CLEC16A: variants seen among roughly 807,000 people sequenced by gnomAD.
The protein encoded by CLEC16A is protein CLEC16A.
Under a neutral mutation model 109.5 loss-of-function variants are expected in CLEC16A, and 51 were observed. That is an observed-to-expected ratio of 0.47 (90% CI 0.37 to 0.59). The LOEUF is 0.59. Ranked by LOEUF, CLEC16A falls within the 20% of genes least tolerant of loss-of-function variation. The probability of loss-of-function intolerance (pLI) is 0.00; values close to 1 mark genes in which losing one functional copy is unlikely to be tolerated. For synonymous variants in CLEC16A, 673 were observed against 564.2 expected (o/e 1.19, Z -2.73); for missense variants, 1,339 against 1,394.0 (o/e 0.96, Z 0.63).
intron 12 of CLEC16A, among the ~76,000 whole-genome samples, chr16:11,022,080 G>A (rs527305551): frequency 6.6e-6 from 1 of 152,248 alleles, no homozygotes; most frequent in African/African-American, 2.4e-5. Flanking sequence ...TTAACTTTGG[G>A]CATCTTGAAG....
In CLEC16A at chr16:11,027,134, AAAG is replaced by A. The variant is rs1336775729; in HGVS notation, c.1537+2217_1537+2219del. On this transcript the variant is annotated intron_variant, in intron 13 of 23. Coordinates refer to ENST00000409790, the MANE Select transcript of CLEC16A (RefSeq NM_015226.3). ...CCCAGGCAAAGCAGGAACTTTTGGC[AAAG>A]AAGGAGCAGAAGAAAGGAAAAGGGC... is the stretch of plus-strand genomic sequence containing the variant. The A allele has an allele frequency of 3.4e-6, 5 of 1,476,140 alleles. No homozygotes were observed. In the African/African-American group the frequency reaches 6.9e-5, roughly 20 times the overall value. The allele number at this position is 1,476,140 out of a possible 1,614,324, so 91.4% of individuals were successfully genotyped here.
At chr16:11,176,821 G>A (rs2068767351) in intron 23 of CLEC16A, among the ~76,000 whole-genome samples, 1 of 152,206 alleles carries the variant, frequency 6.6e-6, no homozygotes, top group South Asian at 2.1e-4. Flanking sequence ...GCCGGTGTGT[G>A]CTTTGAAATC....
At chr16:11,129,068 A>G (rs1026561824) in intron 22 of CLEC16A, among the ~76,000 whole-genome samples, 9 of 151,630 alleles carry the variant, frequency 5.9e-5, no homozygotes, top group Non-Finnish European at 8.8e-5. Context: ...AGTTCCCCCA[A>G]CCCCAAGCTC....
chr16:11,120,968 C>A (rs114776857), intron 20 of CLEC16A, among the ~76,000 whole-genome samples: 1 of 152,134 alleles, frequency 6.6e-6, no homozygotes, highest in African/African-American at 2.4e-5. Context: ...TCCTCTTTGA[C>A]CAAAACGCTC....
chr16:11,157,218 T>A, intron 22 of CLEC16A: 1 of 1,231,956 alleles, frequency 8.1e-7, no homozygotes, highest in South Asian at 1.5e-5. Context: ...AAAAAGTATT[T>A]AAGCGTTGTG....
chr16:11,127,039 C>A (rs1475355728), intron 22 of CLEC16A, among the ~76,000 whole-genome samples: 2 of 152,120 alleles, frequency 1.3e-5, no homozygotes, highest in African/African-American at 4.8e-5. Flanking sequence ...TATGTATATA[C>A]CGTAGGCATA....
intron 11 of CLEC16A, among the ~76,000 whole-genome samples, chr16:11,004,051 GT>G: frequency 6.6e-6 from 1 of 152,118 alleles, no homozygotes; most frequent in East Asian, 1.9e-4. Context: ...TTACGTTAAG[GT>G]TTTTTAAGTC....
chr16:11,131,923 T>C (rs1462085106), intron 22 of CLEC16A, among the ~76,000 whole-genome samples: 1 of 152,188 alleles, frequency 6.6e-6, no homozygotes, highest in Admixed American at 6.5e-5. Flanking sequence ...TTTCAGGGCC[T>C]CTGTTTTCGT....
intron 19 of CLEC16A, among the ~76,000 whole-genome samples, chr16:11,102,312 A>G (rs2050967726): frequency 6.6e-6 from 1 of 152,320 alleles, no homozygotes; most frequent in African/African-American, 2.4e-5. Context: ...TTTATTAGTA[A>G]TCAGTTTGAA....
intron 1 of CLEC16A, among the ~76,000 whole-genome samples, chr16:10,956,286 A>G (rs1596731740): frequency 6.6e-6 from 1 of 152,248 alleles, no homozygotes; most frequent in East Asian, 1.9e-4. Context: ...CAGTATTCGT[A>G]AATAAACCCT....
At chr16:11,057,302 G>A (rs780907192) in intron 18 of CLEC16A, among the ~76,000 whole-genome samples, 2 of 152,256 alleles carry the variant, frequency 1.3e-5, no homozygotes, top group Non-Finnish European at 2.9e-5. Flanking sequence ...CAGCAAGGAA[G>A]CAGGAGGGTG....
chr16:10,972,185 G>C (rs1464910732), intron 5 of CLEC16A, among the ~76,000 whole-genome samples: 2 of 152,208 alleles, frequency 1.3e-5, no homozygotes, highest in African/African-American at 2.4e-5. Flanking sequence ...ATCTGGATTT[G>C]CACCTTGAAG....
intron 22 of CLEC16A, chr16:11,157,343 C>T (rs532218492): frequency 1.7e-4 from 110 of 641,906 alleles, no homozygotes; most frequent in Admixed American, 5.9e-4. Context: ...TGTAGACCTG[C>T]GCCCTGGGCT....
chr16:11,037,865 T>A (rs1420254753), intron 13 of CLEC16A, among the ~76,000 whole-genome samples: 1 of 141,382 alleles, frequency 7.1e-6, no homozygotes, highest in African/African-American at 2.6e-5. Flanking sequence ...GTTAGGACAG[T>A]GTTAACATCT....
chr16:11,050,409 C>G (rs2047878774), intron 17 of CLEC16A, among the ~76,000 whole-genome samples: 1 of 152,320 alleles, frequency 6.6e-6, no homozygotes, highest in African/African-American at 2.4e-5. Context: ...TCAGCTTTAC[C>G]TAGCAGGAGG....
chr16:11,003,409 G>T lies in CLEC16A; in HGVS notation c.1303+104G>T. Reference sequence around the variant, plus strand: ...CACCCAGACTTCTGCTCCCCACAGTGTCCAGCCAGTGATTCGATTCCTACC... The same window carrying T: ...CACCCAGACTTCTGCTCCCCACAGTTTCCAGCCAGTGATTCGATTCCTACC... On this transcript the variant is annotated intron_variant, in intron 11 of 23. Coordinates refer to ENST00000409790, the MANE Select transcript of CLEC16A (RefSeq NM_015226.3). The T allele has an allele frequency of 3.6e-6, 3 of 838,206 alleles. No individual in the cohort carries two copies. In the South Asian group the frequency reaches 5.1e-5, roughly 14 times the overall value. The allele number at this position is 838,206 out of a possible 1,614,324, so 51.9% of individuals were successfully genotyped here.
intron 11 of CLEC16A, among the ~76,000 whole-genome samples, chr16:11,006,342 A>G (rs1440719698): frequency 1.3e-5 from 2 of 152,256 alleles, no homozygotes; most frequent in Admixed American, 6.5e-5. Context: ...ATGCTGGGCC[A>G]GCAGAAATAG....
chr16:10,982,946 G>C lies in CLEC16A; in HGVS notation c.1026G>C (p.Leu342=). ...CTGAAGTCATTCTGAATGGTGATCT[G>C]TCTGAGATGTACGCTAAGACTGAAC... ...SLAEVILNGD[L]SEMYAKTEQD... The change falls in exon 10 of 24, where the codon CTG becomes CTC. Residue 342 remains leucine, a synonymous_variant. Transcript: ENST00000409790. 1.2e-6 allele frequency: 2 copies of C among 1,612,858 alleles called. No individual in the cohort carries two copies. The highest frequency in any genetic ancestry group is 2.7e-5 in the African/African-American group (2 of 75,024).
intron 19 of CLEC16A, among the ~76,000 whole-genome samples, chr16:11,087,922 C>T (rs77993009): frequency 9.2e-5 from 14 of 152,368 alleles, no homozygotes; most frequent in Admixed American, 3.9e-4. Context: ...AGAGCTCCCC[C>T]GCTGTGCAGC....
Sources: gnomAD v4.1 joint callset for allele counts (sites outside exome capture counted in the v4.1 genomes callset) on GRCh38, gnomAD v4.1.1 for gene constraint, MANE v1.5 for transcripts, NCBI Gene and HGNC (gene_info 2026-07-23, HGNC 2026-07-21) for gene names.